Variants in TENM2 observed in about 807,000 individuals in gnomAD.
TENM2 encodes teneurin-2.
TENM2 carries 52 observed loss-of-function variants against 245.2 expected under a neutral mutation model. The ratio of observed to expected loss-of-function variants is 0.21; its 90% CI spans 0.17 to 0.27. The LOEUF is 0.27. Among genes scored for constraint, TENM2 ranks in the 10% least tolerant of loss-of-function variants. The pLI, the probability that TENM2 is intolerant of heterozygous loss-of-function variation, is 1.00. For missense variants in TENM2, 3,046 were observed against 3,666.8 expected (o/e 0.83, Z 4.37); for synonymous variants, 1,363 against 1,438.9 (o/e 0.95, Z 1.19).
At chr5:168,241,868 G>T (rs1002344009) in intron 25 of TENM2, among the ~76,000 whole-genome samples, 4 of 152,130 alleles carry the variant, frequency 2.6e-5, no homozygotes, top group Non-Finnish European at 5.9e-5. Context: ...AATAGCAAGG[G>T]TTTAAACAGG....
At chr5:168,080,171 G>T (rs1791855259) in intron 7 of TENM2, among the ~76,000 whole-genome samples, 1 of 152,150 alleles carries the variant, frequency 6.6e-6, no homozygotes, top group African/African-American at 2.4e-5. Context: ...GGGTGTGTGT[G>T]TCGAGGAATT....
chr5:167,591,049 C>G (rs1272882944), intron 2 of TENM2, among the ~76,000 whole-genome samples: 1 of 152,126 alleles, frequency 6.6e-6, no homozygotes, highest in African/African-American at 2.4e-5. Context: ...ACATTTATGT[C>G]AGTAATAATT....
At chr5:167,746,159 A>C (rs1348093111) in intron 2 of TENM2, among the ~76,000 whole-genome samples, 5 of 152,162 alleles carry the variant, frequency 3.3e-5, no homozygotes, top group Admixed American at 6.5e-5. Context: ...AACCCCGTAC[A>C]CTTCGGACTA....
intron 1 of TENM2, among the ~76,000 whole-genome samples, chr5:167,309,322 G>A (rs192217841): frequency 9.8e-4 from 149 of 152,262 alleles, no homozygotes; most frequent in African/African-American, 3.4e-3. Context: ...ATGCAAAAGC[G>A]ATATGCATTC....
the TENM2 span, among the ~76,000 whole-genome samples, chr5:167,119,054 A>G: frequency 6.6e-6 from 1 of 152,176 alleles, no homozygotes; most frequent in African/African-American, 2.4e-5. Context: ...TCACATCCCC[A>G]CTTCACTCCC....
the TENM2 span, among the ~76,000 whole-genome samples, chr5:167,110,754 A>G: frequency 1.1e-4 from 17 of 152,306 alleles, no homozygotes; most frequent in African/African-American, 4.1e-4. Context: ...GGGAGCTAAA[A>G]CTATAGTGTT....
intron 2 of TENM2, among the ~76,000 whole-genome samples, chr5:167,508,090 A>G (rs1364865529): frequency 6.6e-6 from 1 of 152,190 alleles, no homozygotes; most frequent in African/African-American, 2.4e-5. Context: ...ATGTAATGCT[A>G]TCTATTGAAG....
At chr5:167,654,709 G>T (rs1754724541) in intron 2 of TENM2, among the ~76,000 whole-genome samples, 1 of 151,974 alleles carries the variant, frequency 6.6e-6, no homozygotes, top group Non-Finnish European at 1.5e-5. Context: ...CCAGCAAGAA[G>T]ACAAACTAAT....
chr5:167,951,209 T>C (rs1332422477), intron 3 of TENM2, among the ~76,000 whole-genome samples: 1 of 152,194 alleles, frequency 6.6e-6, no homozygotes, highest in African/African-American at 2.4e-5. Context: ...AGACAAGTAG[T>C]TGAAATTTGT....
At chr5:168,193,214 AC>A (rs1362743085) in intron 14 of TENM2, among the ~76,000 whole-genome samples, 1 of 152,236 alleles carries the variant, frequency 6.6e-6, no homozygotes, top group African/African-American at 2.4e-5. Flanking sequence ...ATGAAATGTA[AC>A]TCCAAGACAT....
At chr5:167,045,814 G>C in the TENM2 span, among the ~76,000 whole-genome samples, 1 of 152,230 alleles carries the variant, frequency 6.6e-6, no homozygotes, top group African/African-American at 2.4e-5. Context: ...CAAACCAACG[G>C]GTTATTCACT....
At chr5:167,540,601 C>A (rs1772143097) in intron 2 of TENM2, among the ~76,000 whole-genome samples, 1 of 152,104 alleles carries the variant, frequency 6.6e-6, no homozygotes, top group Non-Finnish European at 1.5e-5. Context: ...ACCACAAAGT[C>A]TAAAATATTT....
At chr5:167,232,193 C>A in the TENM2 span, among the ~76,000 whole-genome samples, 2 of 152,086 alleles carry the variant, frequency 1.3e-5, no homozygotes, top group Non-Finnish European at 2.9e-5. Flanking sequence ...TCAGAGCCCC[C>A]ACACAGAGTC....
At chr5:167,690,101 C>CT (rs370994752) in intron 2 of TENM2, among the ~76,000 whole-genome samples, 8,224 of 119,694 alleles carry the variant, frequency 0.069, 416 homozygotes, top group Middle Eastern at 0.11. Context: ...AAAAAACACA[C>CT]TTTTTTTTTT....
At chr5:167,962,021 A>G (rs534019337) in intron 4 of TENM2, among the ~76,000 whole-genome samples, 38 of 152,336 alleles carry the variant, frequency 2.5e-4, no homozygotes, top group Admixed American at 5.2e-4. Flanking sequence ...TTGGTTTTCT[A>G]GATTTATTTT....
chr5:167,654,266 A>G (rs1438212680), intron 2 of TENM2, among the ~76,000 whole-genome samples: 1 of 152,112 alleles, frequency 6.6e-6, no homozygotes, highest in Non-Finnish European at 1.5e-5. Context: ...TGAATGGACA[A>G]AAATTTCTCT....
intron 25 of TENM2, among the ~76,000 whole-genome samples, chr5:168,236,042 C>G (rs1765401142): frequency 6.6e-6 from 1 of 152,164 alleles, no homozygotes; most frequent in African/African-American, 2.4e-5. Context: ...GTATCCTGAA[C>G]AGAAGGAGAG....
intron 2 of TENM2, among the ~76,000 whole-genome samples, chr5:167,591,166 G>A (rs1775852959): frequency 6.6e-6 from 1 of 152,104 alleles, no homozygotes; most frequent in Non-Finnish European, 1.5e-5. Flanking sequence ...TGCAAAGAAA[G>A]GGTTCCTTGG....
At chr5:167,316,929 A>G (rs2127763953) in intron 1 of TENM2, among the ~76,000 whole-genome samples, 1 of 152,250 alleles carries the variant, frequency 6.6e-6, no homozygotes, top group African/African-American at 2.4e-5. Flanking sequence ...TGCCAAAAAA[A>G]GAGCACACAG....
Sources: gnomAD v4.1 joint callset for allele counts (sites outside exome capture counted in the v4.1 genomes callset) on GRCh38, gnomAD v4.1.1 for gene constraint, MANE v1.5 for transcripts, NCBI Gene and HGNC (gene_info 2026-07-23, HGNC 2026-07-21) for gene names.